The following PSMA8 variants were observed in gnomAD, a reference collection of about 807,000 sequenced individuals.
PSMA8 encodes the protein proteasome 20S subunit alpha 8.
PSMA8 carries 18 observed loss-of-function variants against 32.4 expected under a neutral mutation model. That is an observed-to-expected ratio of 0.56 (90% CI 0.38 to 0.82). The LOEUF is 0.82. Ranked by LOEUF, PSMA8 falls within the 40% of genes least tolerant of loss-of-function variation. PSMA8 has a pLI of 0.00. For missense variants in PSMA8, 298 were observed against 300.7 expected (o/e 0.99, Z 0.07); for synonymous variants, 104 against 98.1 (o/e 1.06, Z -0.36).
At chr18:26,151,293 A>T (rs2055043515) in intron 2 of PSMA8, among the ~76,000 whole-genome samples, 1 of 152,224 alleles carries the variant, frequency 6.6e-6, no homozygotes, top group Admixed American at 6.5e-5. Context: ...TGGAAAAGTC[A>T]AATGCCAAAG....
intron 1 of PSMA8, among the ~76,000 whole-genome samples, chr18:26,137,905 G>A (rs2054925536): frequency 6.6e-6 from 1 of 152,170 alleles, no homozygotes; most frequent in African/African-American, 2.4e-5. Context: ...AAAGATGAGG[G>A]GCTGTCAAGT....
chr18:26,149,099 T>C (rs1224488699), intron 2 of PSMA8, among the ~76,000 whole-genome samples: 1 of 152,022 alleles, frequency 6.6e-6, no homozygotes, highest in African/African-American at 2.4e-5. Flanking sequence ...CATCTCAGCC[T>C]CCCAAAGTGT....
intron 1 of PSMA8, among the ~76,000 whole-genome samples, chr18:26,134,606 A>T (rs2054896354): frequency 6.6e-6 from 1 of 152,142 alleles, no homozygotes; most frequent in East Asian, 1.9e-4. Context: ...TATAAAATTA[A>T]ACTTTTGTTG....
chr18:26,168,020 GT>G (rs1233957319), intron 4 of PSMA8, among the ~76,000 whole-genome samples: 4 of 114,318 alleles, frequency 3.5e-5, no homozygotes, highest in Admixed American at 8.6e-5. Flanking sequence ...CATTCTCTTA[GT>G]TTTTCCTTCC....
Position 26,136,273 on chromosome 18 carries a change from G to A in PSMA8, c.102+2206G>A, listed in dbSNP as rs1260404718. Reference sequence around the variant, plus strand: ...GGAGAAGTAATACCTTTCTTCTTAGGGAAAAGAAATGAATCCTTCACAATA... The same window carrying A: ...GGAGAAGTAATACCTTTCTTCTTAGAGAAAAGAAATGAATCCTTCACAATA... On this transcript the variant is annotated intron_variant, in intron 1 of 6. Transcript: ENST00000415576. Among the ~76,000 whole-genome samples the A allele has an allele frequency of 2.0e-5, 3 of 152,088 alleles. No individual in the cohort carries two copies. The East Asian group carries it at 5.8e-4, about 29-fold the overall frequency.
At position 26,178,903 on chromosome 18, in the gene PSMA8, C is replaced by T; in HGVS notation, c.551C>T (p.Ala184Val). Residue 184 changes from alanine (A) to valine (V), a missense_variant, in exon 5 of 7, where the codon GCA (alanine) becomes GTA (valine). Ala to Val is a moderately conservative substitution (Grantham distance 64, BLOSUM62 0). Coordinates refer to ENST00000415576, the MANE Select transcript of PSMA8 (RefSeq NM_001025096.2). Reference protein sequence around the residue: ...LEKNYTEDAIASDSEAIKLAI... With the variant: ...LEKNYTEDAIVSDSEAIKLAI... ...AAGAATTACACAGAAGATGCCATAG[C>T]AAGTGACAGTGAAGCTATCAAGTTA... 1 of 1,613,738 alleles carries T rather than the reference C, an allele frequency of 6.2e-7. No homozygotes were observed. Among genetic ancestry groups the T allele is most frequent in the Non-Finnish European group, 8.5e-7 (1 of 1,179,750 alleles).
intron 1 of PSMA8, among the ~76,000 whole-genome samples, chr18:26,142,113 C>T (rs1157880559): frequency 2.1e-5 from 3 of 145,034 alleles, no homozygotes; most frequent in Non-Finnish European, 4.5e-5. Context: ...GATCTTGGCT[C>T]ACTGCAAACT....
chr18:26,160,127 C>A (rs1213224615), intron 4 of PSMA8, among the ~76,000 whole-genome samples: 1 of 152,016 alleles, frequency 6.6e-6, no homozygotes, highest in African/African-American at 2.4e-5. Context: ...TGTAATAAGA[C>A]CCCACTTCTA....
intron 4 of PSMA8, among the ~76,000 whole-genome samples, chr18:26,166,406 A>G (rs958578275): frequency 2.6e-5 from 4 of 152,190 alleles, no homozygotes; most frequent in Non-Finnish European, 5.9e-5. Flanking sequence ...TTGGTACACA[A>G]CTGTGTTAGC....
In PSMA8 at chr18:26,144,702, A is replaced by G. The variant is rs2054988534; in HGVS notation, c.229+17A>G. On this transcript the variant is annotated intron_variant, in intron 2 of 6. Coordinates refer to ENST00000415576, the MANE Select transcript of PSMA8 (RefSeq NM_001025096.2). ...CTTTTGCAGGTACTTAAGGTCCTAC[A>G]ATAATGATGCATAGTGTCTTACTGT... is the stretch of plus-strand genomic sequence containing the variant. 1.2e-6 allele frequency: 2 copies of G among 1,612,748 alleles called. No homozygotes were observed. Among genetic ancestry groups the G allele is most frequent in the South Asian group, 1.1e-5 (1 of 90,976 alleles).
At chr18:26,147,051 TA>T (rs1489376373) in intron 2 of PSMA8, among the ~76,000 whole-genome samples, 18 of 151,918 alleles carry the variant, frequency 1.2e-4, no homozygotes, top group Admixed American at 1.0e-3. Flanking sequence ...GTTAGAACTC[TA>T]TCACAAGAAC....
chr18:26,167,361 T>A (rs889834590), intron 4 of PSMA8, among the ~76,000 whole-genome samples: 3 of 152,136 alleles, frequency 2.0e-5, no homozygotes, highest in Admixed American at 2.0e-4. Flanking sequence ...AGCCAGAGAG[T>A]AAATATATTT....
intron 2 of PSMA8, among the ~76,000 whole-genome samples, chr18:26,147,990 A>G (rs2055017327): frequency 6.6e-6 from 1 of 152,182 alleles, no homozygotes; most frequent in South Asian, 2.1e-4. Context: ...ATATATTAAT[A>G]GAAAATCTGA....
At chr18:26,176,137 G>A (rs1375490183) in intron 4 of PSMA8, among the ~76,000 whole-genome samples, 1 of 152,114 alleles carries the variant, frequency 6.6e-6, no homozygotes, top group Non-Finnish European at 1.5e-5. Flanking sequence ...GGCAAGGGAG[G>A]GTGGGGATCT....
intron 4 of PSMA8, among the ~76,000 whole-genome samples, chr18:26,167,151 A>G (rs2055186991): frequency 6.6e-6 from 1 of 152,250 alleles, no homozygotes; most frequent in African/African-American, 2.4e-5. Flanking sequence ...TAACAGTAAA[A>G]AAGTTTATGT....
At chr18:26,147,183 A>C (rs2055010169) in intron 2 of PSMA8, among the ~76,000 whole-genome samples, 1 of 150,026 alleles carries the variant, frequency 6.7e-6, no homozygotes. Flanking sequence ...GGGTGGGTAC[A>C]GAGATCCAAA....
chr18:26,141,576 T>C (rs2054955898), intron 1 of PSMA8, among the ~76,000 whole-genome samples: 1 of 152,094 alleles, frequency 6.6e-6, no homozygotes, highest in Non-Finnish European at 1.5e-5. Flanking sequence ...TTGATGAGGA[T>C]AGGATAGGGA....
chr18:26,160,104 C>T (rs1026677624), intron 4 of PSMA8, among the ~76,000 whole-genome samples: 1 of 152,060 alleles, frequency 6.6e-6, no homozygotes, highest in Non-Finnish European at 1.5e-5. Flanking sequence ...GAGTTCGAGA[C>T]CACCCTGGGC....
chr18:26,182,546 C>T (rs2055320114), intron 6 of PSMA8, among the ~76,000 whole-genome samples: 2 of 152,214 alleles, frequency 1.3e-5, no homozygotes, highest in Admixed American at 6.5e-5. Flanking sequence ...TGCTCATTCA[C>T]AGTCCACCTA....
Sources: gnomAD v4.1 joint callset for allele counts (sites outside exome capture counted in the v4.1 genomes callset) on GRCh38, gnomAD v4.1.1 for gene constraint, MANE v1.5 for transcripts, NCBI Gene and HGNC (gene_info 2026-07-23, HGNC 2026-07-21) for gene names.